The following SORCS2 variants were observed in gnomAD, a reference collection of about 807,000 sequenced individuals.
The protein encoded by SORCS2 is sortilin related VPS10 domain containing receptor 2.
A neutral mutation model predicts 141.6 loss-of-function variants in SORCS2; 100 were observed. The ratio of observed to expected loss-of-function variants is 0.71; its 90% CI spans 0.60 to 0.83. The LOEUF is 0.83. Ranked by LOEUF, SORCS2 falls within the 40% of genes least tolerant of loss-of-function variation. The pLI is 0.00. For missense variants in SORCS2, 1,646 were observed against 1,560.2 expected (o/e 1.05, Z -0.93); for synonymous variants, 789 against 676.9 (o/e 1.17, Z -2.57).
chr4:7,366,478 C>G (rs1402943655), intron 1 of SORCS2, among the ~76,000 whole-genome samples: 2 of 1,394 alleles, frequency 1.4e-3, no homozygotes, highest in African/African-American at 1.6e-3. Flanking sequence ...TGCCCCTCCC[C>G]CCCTCTCTCC....
intron 18 of SORCS2, among the ~76,000 whole-genome samples, chr4:7,723,275 T>G (rs1006451193): frequency 6.6e-6 from 1 of 152,076 alleles, no homozygotes; most frequent in African/African-American, 2.4e-5. Flanking sequence ...CTTAGGCACT[T>G]CCAGATGTGT....
chr4:7,448,276 C>T (rs1337768355), intron 2 of SORCS2, among the ~76,000 whole-genome samples: 1 of 152,106 alleles, frequency 6.6e-6, no homozygotes, highest in East Asian at 1.9e-4. Context: ...GGGCATCTCC[C>T]ACGTCACCCA....
chr4:7,211,790 T>C (rs1428452714), intron 1 of SORCS2, among the ~76,000 whole-genome samples: 2 of 151,432 alleles, frequency 1.3e-5, no homozygotes, highest in African/African-American at 4.9e-5. Flanking sequence ...GGTTGGGGGC[T>C]CCCATGAGAG....
chr4:7,241,094 C>G (rs950256187), intron 1 of SORCS2, among the ~76,000 whole-genome samples: 1 of 152,094 alleles, frequency 6.6e-6, no homozygotes, highest in Non-Finnish European at 1.5e-5. Flanking sequence ...GCCACCATGC[C>G]TGGCTAAATT....
intron 10 of SORCS2, among the ~76,000 whole-genome samples, chr4:7,686,642 G>GT (rs1723892735): frequency 6.6e-6 from 1 of 152,236 alleles, no homozygotes; most frequent in African/African-American, 2.4e-5. Context: ...ATGCACCCAA[G>GT]GCGGGTTCTG....
chr4:7,271,505 G>A (rs973801022), intron 1 of SORCS2, among the ~76,000 whole-genome samples: 1 of 152,178 alleles, frequency 6.6e-6, no homozygotes, highest in African/African-American at 2.4e-5. Flanking sequence ...ACCTTCACAG[G>A]AAGGCCTCCC....
At chr4:7,550,836 A>G (rs1674439642) in intron 3 of SORCS2, among the ~76,000 whole-genome samples, 1 of 152,214 alleles carries the variant, frequency 6.6e-6, no homozygotes, top group Non-Finnish European at 1.5e-5. Context: ...GAGGTAAAAC[A>G]AAGTGTCCAA....
intron 3 of SORCS2, among the ~76,000 whole-genome samples, chr4:7,585,931 G>A (rs1032813009): frequency 1.3e-5 from 2 of 152,338 alleles, no homozygotes; most frequent in Admixed American, 1.3e-4. Flanking sequence ...GCCTTATAGA[G>A]GGAGCCATGC....
intron 11 of SORCS2, among the ~76,000 whole-genome samples, chr4:7,691,913 G>A (rs1199760472): frequency 6.6e-6 from 1 of 152,010 alleles, no homozygotes; most frequent in Non-Finnish European, 1.5e-5. Context: ...CCTGAATTGT[G>A]CAGGAGTCAT....
intron 1 of SORCS2, among the ~76,000 whole-genome samples, chr4:7,312,418 G>C (rs555911893): frequency 3.7e-4 from 56 of 152,294 alleles, no homozygotes; most frequent in African/African-American, 1.3e-3. Context: ...TCGGATCAGG[G>C]CACAATGACC....
chr4:7,399,314 C>T (rs1724420817), intron 2 of SORCS2, among the ~76,000 whole-genome samples: 1 of 151,940 alleles, frequency 6.6e-6, no homozygotes. Flanking sequence ...CTGGAGAGCA[C>T]ATATTAAATA....
chr4:7,565,917 G>A (rs1714957067), intron 3 of SORCS2, among the ~76,000 whole-genome samples: 1 of 142,136 alleles, frequency 7.0e-6, no homozygotes, highest in South Asian at 2.4e-4. Flanking sequence ...TGGTGGTGAT[G>A]GTGATGATGG....
intron 1 of SORCS2, among the ~76,000 whole-genome samples, chr4:7,282,981 A>G (rs1350068660): frequency 6.6e-6 from 1 of 152,180 alleles, no homozygotes; most frequent in East Asian, 1.9e-4. Context: ...TCACTCATTC[A>G]TTCATTCATT....
chr4:7,355,727 A>G (rs1721208605), intron 1 of SORCS2, among the ~76,000 whole-genome samples: 1 of 152,208 alleles, frequency 6.6e-6, no homozygotes, highest in South Asian at 2.1e-4. Flanking sequence ...GGAAAATATG[A>G]ACTTGACTTC....
At chr4:7,208,675 T>C (rs1727884666) in intron 1 of SORCS2, among the ~76,000 whole-genome samples, 1 of 152,172 alleles carries the variant, frequency 6.6e-6, no homozygotes, top group Admixed American at 6.5e-5. Context: ...TGTGTCTCCC[T>C]CAGCCCTCCC....
intron 1 of SORCS2, among the ~76,000 whole-genome samples, chr4:7,206,517 C>T (rs1031115756): frequency 2.6e-5 from 4 of 152,190 alleles, no homozygotes; most frequent in African/African-American, 9.7e-5. Context: ...CTCTTTAACG[C>T]ACTAATTAAT....
intron 3 of SORCS2, among the ~76,000 whole-genome samples, chr4:7,598,608 G>A (rs1717442030): frequency 6.6e-6 from 1 of 152,194 alleles, no homozygotes; most frequent in Admixed American, 6.5e-5. Flanking sequence ...CAGGAGGCAT[G>A]GGAAGAGGAG....
At chr4:7,208,270 G>A (rs1157398573) in intron 1 of SORCS2, among the ~76,000 whole-genome samples, 4 of 152,140 alleles carry the variant, frequency 2.6e-5, no homozygotes, top group Non-Finnish European at 4.4e-5. Flanking sequence ...GGGGCATGTC[G>A]GGACTGAACT....
chr4:7,225,569 C>T (rs1728942176), intron 1 of SORCS2, among the ~76,000 whole-genome samples: 1 of 152,180 alleles, frequency 6.6e-6, no homozygotes, highest in Non-Finnish European at 1.5e-5. Flanking sequence ...GACCGGGGCT[C>T]ACTGCTGCTC....
Sources: gnomAD v4.1 joint callset for allele counts (sites outside exome capture counted in the v4.1 genomes callset) on GRCh38, gnomAD v4.1.1 for gene constraint, MANE v1.5 for transcripts, NCBI Gene and HGNC (gene_info 2026-07-23, HGNC 2026-07-21) for gene names.